Variants in SLC35D4 observed in about 807,000 individuals in gnomAD.
SLC35D4 encodes the protein solute carrier family 35 member D4, also known as UDP-N-acetylglucosamine transporter SLC35D4.
chr18:23,428,471 T>C, the SLC35D4 span, among the ~76,000 whole-genome samples: 8 of 152,186 alleles, frequency 5.3e-5, no homozygotes, highest in Non-Finnish European at 1.0e-4. Flanking sequence ...AATATGTTAA[T>C]ATTCAAGGAG....
the SLC35D4 span, chr18:23,257,517 T>G: frequency 5.9e-6 from 5 of 853,102 alleles, no homozygotes; most frequent in Non-Finnish European, 8.6e-6. Flanking sequence ...CTAGAAACTT[T>G]CCAAGGAGTC....
chr18:23,269,730 G>A, the SLC35D4 span, among the ~76,000 whole-genome samples: 14 of 152,190 alleles, frequency 9.2e-5, no homozygotes, highest in Admixed American at 9.2e-4. Flanking sequence ...GGTCTCAGAT[G>A]GAGATGAGGA....
the SLC35D4 span, among the ~76,000 whole-genome samples, chr18:23,361,423 C>T: frequency 2.0e-5 from 3 of 152,144 alleles, no homozygotes; most frequent in African/African-American, 7.2e-5. Flanking sequence ...ATGAATGAAT[C>T]GGCAGGAATT....
At chr18:23,347,042 T>C in the SLC35D4 span, among the ~76,000 whole-genome samples, 1 of 152,250 alleles carries the variant, frequency 6.6e-6, no homozygotes, top group Non-Finnish European at 1.5e-5. Context: ...TTGGGAGTTA[T>C]TCCCTCTTCC....
chr18:23,254,746 G>A, the SLC35D4 span, among the ~76,000 whole-genome samples: 9 of 152,170 alleles, frequency 5.9e-5, no homozygotes, highest in Non-Finnish European at 7.3e-5. Context: ...AAGCACTCTG[G>A]TTTCTTCTTC....
At chr18:23,402,226 C>T in the SLC35D4 span, among the ~76,000 whole-genome samples, 1 of 152,080 alleles carries the variant, frequency 6.6e-6, no homozygotes, top group Non-Finnish European at 1.5e-5. Flanking sequence ...AAATGGCTGA[C>T]AAAACAGGTG....
chr18:23,375,576 A>G, the SLC35D4 span, among the ~76,000 whole-genome samples: 1 of 152,170 alleles, frequency 6.6e-6, no homozygotes, highest in Non-Finnish European at 1.5e-5. Flanking sequence ...AAAATGTTTT[A>G]TTAGAAAAAT....
the SLC35D4 span, among the ~76,000 whole-genome samples, chr18:23,244,128 G>A: frequency 7.2e-5 from 11 of 152,298 alleles, no homozygotes; most frequent in East Asian, 3.9e-4. Flanking sequence ...AGCAGCTTGC[G>A]TTTAGAAGTG....
chr18:23,283,817 A>C, the SLC35D4 span, among the ~76,000 whole-genome samples: 1 of 152,110 alleles, frequency 6.6e-6, no homozygotes, highest in Non-Finnish European at 1.5e-5. Flanking sequence ...TCAAAAAAAA[A>C]AAAAAAGGAA....
chr18:23,253,124 C>T, the SLC35D4 span: 50 of 944,970 alleles, frequency 5.3e-5, no homozygotes, highest in Non-Finnish European at 7.4e-5. Context: ...TTCCACACAC[C>T]GTAAGCTTGT....
At chr18:23,253,320 T>TA in the SLC35D4 span, among the ~76,000 whole-genome samples, 1 of 152,098 alleles carries the variant, frequency 6.6e-6, no homozygotes, top group African/African-American at 2.4e-5. Context: ...CCGTCTCTAC[T>TA]AAAAATTTAA....
At chr18:23,409,012 G>A in the SLC35D4 span, among the ~76,000 whole-genome samples, 1 of 152,002 alleles carries the variant, frequency 6.6e-6, no homozygotes, top group Non-Finnish European at 1.5e-5. Flanking sequence ...GTGGGCACTT[G>A]TAATTCCTGT....
At chr18:23,325,744 C>T in the SLC35D4 span, among the ~76,000 whole-genome samples, 7 of 152,202 alleles carry the variant, frequency 4.6e-5, no homozygotes, top group East Asian at 1.4e-3. Flanking sequence ...ATAAAGTACC[C>T]CTCTTCATGA....
chr18:23,263,332 C>G, the SLC35D4 span, among the ~76,000 whole-genome samples: 1 of 152,216 alleles, frequency 6.6e-6, no homozygotes, highest in African/African-American at 2.4e-5. Flanking sequence ...CCTGCCCTTC[C>G]CAGCCACTGC....
the SLC35D4 span, chr18:23,352,129 C>T: frequency 1.4e-6 from 2 of 1,414,298 alleles, no homozygotes; most frequent in African/African-American, 1.4e-5. Flanking sequence ...TTCACATTAC[C>T]CAGGTTCTGA....
At chr18:23,339,088 G>T in the SLC35D4 span, among the ~76,000 whole-genome samples, 2 of 152,052 alleles carry the variant, frequency 1.3e-5, no homozygotes, top group Non-Finnish European at 2.9e-5. Flanking sequence ...ATAGGGTCTT[G>T]CTATGTTGCC....
At chr18:23,270,380 G>T in the SLC35D4 span, among the ~76,000 whole-genome samples, 1 of 152,250 alleles carries the variant, frequency 6.6e-6, no homozygotes, top group East Asian at 1.9e-4. Flanking sequence ...GCAAAAGTTT[G>T]CTTCAGGGGC....
the SLC35D4 span, among the ~76,000 whole-genome samples, chr18:23,327,089 G>C: frequency 4.6e-5 from 7 of 152,164 alleles, no homozygotes; most frequent in Non-Finnish European, 1.0e-4. Context: ...GCCCACAAGA[G>C]AAAGCAGGAA....
chr18:23,424,306 G>A, the SLC35D4 span, among the ~76,000 whole-genome samples: 1 of 152,144 alleles, frequency 6.6e-6, no homozygotes, highest in Non-Finnish European at 1.5e-5. Context: ...AGCAACAGAT[G>A]GAATTTAAAA....
Sources: gnomAD v4.1 joint callset for allele counts (sites outside exome capture counted in the v4.1 genomes callset) on GRCh38, gnomAD v4.1.1 for gene constraint, MANE v1.5 for transcripts, NCBI Gene and HGNC (gene_info 2026-07-23, HGNC 2026-07-21) for gene names.